The following KHDRBS1 variants were observed in gnomAD, a reference collection of about 807,000 sequenced individuals.
KHDRBS1 encodes the protein KH RNA binding domain containing, signal transduction associated 1, also known as KH domain-containing, RNA-binding, signal transduction-associated protein 1.
KHDRBS1 carries 7 observed loss-of-function variants against 48.4 expected under a neutral mutation model. The ratio of observed to expected loss-of-function variants is 0.14; its 90% confidence interval spans 0.08 to 0.27. The LOEUF is 0.27. Among genes scored for constraint, KHDRBS1 ranks in the 10% least tolerant of loss-of-function variants. KHDRBS1 has a pLI of 1.00. For missense variants in KHDRBS1, 458 were observed against 601.2 expected, an observed-to-expected ratio of 0.76 and a Z score of 2.49; for synonymous variants, 241 against 235.8, an observed-to-expected ratio of 1.02 and a Z score of -0.20.
At chr1:32,040,690 G>A (rs1187512561) in intron 8 of KHDRBS1, among the ~76,000 whole-genome samples, 1 of 152,236 alleles carries the variant, frequency 6.6e-6, no homozygotes, top group Non-Finnish European at 1.5e-5. Flanking sequence ...GATGCAGCGA[G>A]AGCTACCTTT....
chr1:32,035,532 A>T (rs1639162222), intron 4 of KHDRBS1, among the ~76,000 whole-genome samples: 1 of 152,228 alleles, frequency 6.6e-6, no homozygotes, highest in South Asian at 2.1e-4. Flanking sequence ...TGGAGGAAAG[A>T]AAAGTGAGGC....
exon 11 of KHDRBS1, chr1:32,060,419 T>G (rs1639529986): frequency 6.6e-6 from 1 of 152,150 alleles, no homozygotes; most frequent in Admixed American, 6.6e-5. Flanking sequence ...TGAAGGGGAC[T>G]AATGGGTATC....
chr1:32,020,781 G>A (rs1049330366), intron 1 of KHDRBS1, among the ~76,000 whole-genome samples: 55 of 152,164 alleles, frequency 3.6e-4, no homozygotes, highest in Admixed American at 3.6e-3. Flanking sequence ...GACTATATTA[G>A]TGGTTGCCAG....
chr1:32,017,600 C>CA (rs1638767820), intron 1 of KHDRBS1, among the ~76,000 whole-genome samples: 1 of 73,820 alleles, frequency 1.4e-5, no homozygotes, highest in Non-Finnish European at 2.4e-5. Flanking sequence ...TCTTTTTCTA[C>CA]TTTTTTTTTT....
rs754809219 is a variant in KHDRBS1, at chr1:32,033,241, T to A, written c.678T>A (p.Asp226Glu). The change falls in exon 4 of 9, where the codon GAT becomes GAA. Residue 226 changes from aspartate (D) to glutamate (E), a missense_variant. Coordinates refer to ENST00000327300, the MANE Select transcript of KHDRBS1 (RefSeq NM_006559.3). Reference protein sequence around the residue: ...GDPKYAHLNMDLHVFIEVFGP... With the variant: ...GDPKYAHLNMELHVFIEVFGP... ...CCAAATATGCCCACTTGAATATGGATCTGCATGTCTTCATTGAAGTCTTTG... is the reference window on the plus strand; with the variant it reads ...CCAAATATGCCCACTTGAATATGGAACTGCATGTCTTCATTGAAGTCTTTG... The A allele has an allele frequency of 5.0e-6, 8 of 1,614,036 alleles. No individual in the cohort carries two copies. The Admixed American group carries it at 1.3e-4, about 27-fold the overall frequency.
chr1:32,026,917 C>T (rs1043959887), intron 1 of KHDRBS1, among the ~76,000 whole-genome samples: 1 of 152,174 alleles, frequency 6.6e-6, no homozygotes, highest in African/African-American at 2.4e-5. Context: ...CCCTCAGCCT[C>T]CTCGGTAGCT....
rs113782158 is a variant in KHDRBS1 at position 32,022,889 on chromosome 1, C to CA, written c.383-7396dup. On this transcript the variant is annotated intron_variant, in intron 1 of 8. Transcript: ENST00000327300. ...TGGGTGACAGAGCAAGACCCTGTCT[C>CA]AAAAAAAAAAAAAGTTCAGTTAATG... is the stretch of plus-strand genomic sequence containing the variant. Among the ~76,000 whole-genome samples, 741 of 126,596 alleles carry CA rather than the reference C, an allele frequency of 5.9e-3. 3 individuals are homozygous for CA. The highest frequency in any genetic ancestry group is 0.013 in the Middle Eastern group (3 of 228). The allele number at this position is 126,596 out of a possible 152,430, so 83.1% of individuals were successfully genotyped here. A position where few individuals can be genotyped will look rare whatever the true frequency, so the allele number is the denominator to read the frequency against.
rs192474120 is a variant in KHDRBS1, at chr1:32,035,620, G to C, written c.772-1290G>C. On this transcript the variant is annotated intron_variant, in intron 4 of 8. Transcript: ENST00000327300. ...TATACCAGCAATGCTTCACAGTGCC[G>C]TAGGAAGAGCACTGGACTATGTATG... 2.0e-5 allele frequency among the ~76,000 whole-genome samples: 3 copies of C among 152,272 alleles called. No individual in the cohort carries two copies. The East Asian group carries it at 5.8e-4, about 29-fold the overall frequency.
intron 10 of KHDRBS1, among the ~76,000 whole-genome samples, chr1:32,058,710 G>C (rs187491412): frequency 1.3e-5 from 2 of 152,182 alleles, no homozygotes; most frequent in Non-Finnish European, 2.9e-5. Flanking sequence ...GGTGGAGGCA[G>C]GAGGATCGCT....
rs1425349014 is a variant in KHDRBS1, at chr1:32,037,858, G to A, written c.929G>A (p.Arg310Gln). The A allele has an allele frequency of 6.2e-6, 10 of 1,614,020 alleles. No individual in the cohort carries two copies. The highest frequency in any genetic ancestry group is 4.5e-5 in the East Asian group (2 of 44,894). The change falls in exon 6 of 9, where the codon CGG becomes CAG. Residue 310 changes from arginine to glutamine, a missense_variant. By Grantham distance (43) the Arg-to-Gln change is conservative. This residue lies in a region of KHDRBS1 where 171 missense variants were observed against 228.7 expected (regional missense o/e 0.75). Transcript: ENST00000327300. ...VPRGRGVGPPRGALVRGTPVR... is the reference protein window; with the variant it reads ...VPRGRGVGPPQGALVRGTPVR... ...AGGGGCCGTGGTGTTGGACCACCTC[G>A]GGGGGCTTTGGTACGTGGTACACCA... is the stretch of plus-strand genomic sequence containing the variant.
At chr1:32,056,142 A>G (rs1368903577) in intron 10 of KHDRBS1, among the ~76,000 whole-genome samples, 1 of 152,172 alleles carries the variant, frequency 6.6e-6, no homozygotes, top group Non-Finnish European at 1.5e-5. Flanking sequence ...TGTACCTCTC[A>G]TTCCTAGCCG....
In KHDRBS1 at chr1:32,043,283, A is replaced by T. The variant is rs180680107; in HGVS notation, c.*659A>T. The T allele has an allele frequency of 1.7e-4, 22 of 130,440 alleles. No homozygotes were observed. In the East Asian group the frequency reaches 2.4e-3, roughly 14 times the overall value. The allele number at this position is 130,440 out of a possible 1,614,324, so 8.1% of individuals were successfully genotyped here. A position where few individuals can be genotyped will look rare whatever the true frequency, so the allele number is the denominator to read the frequency against. ...TGCAATTTTTAACGTTAATTGATAT[A>T]AAAAAAAAAACAACAAAATTAGGCT... On this transcript the variant is annotated 3_prime_UTR_variant, in exon 9 of 9. Transcript: ENST00000327300.
rs957411552 is a variant in KHDRBS1, at chr1:32,043,233, A to G, written c.*609A>G. Reference sequence around the variant, plus strand: ...TCTTAAGGTTAAATTTTAATATGAAAGATCCTCATGAATTAAATAGTTGAT... The same window carrying G: ...TCTTAAGGTTAAATTTTAATATGAAGGATCCTCATGAATTAAATAGTTGAT... On this transcript the variant is annotated 3_prime_UTR_variant, in exon 9 of 9. Coordinates refer to ENST00000327300, the MANE Select transcript of KHDRBS1 (RefSeq NM_006559.3). 4 of 152,594 alleles carry G rather than the reference A, an allele frequency of 2.6e-5. No homozygotes were observed. Among genetic ancestry groups the G allele is most frequent in the African/African-American group, 9.7e-5 (4 of 41,450 alleles). 9.5% of individuals were successfully genotyped at this position (152,594 alleles called of 1,614,324 possible). A position where few individuals can be genotyped will look rare whatever the true frequency, so the allele number is the denominator to read the frequency against.
intron 1 of KHDRBS1, among the ~76,000 whole-genome samples, chr1:32,027,719 G>A (rs190878082): frequency 6.6e-6 from 1 of 152,266 alleles, no homozygotes; most frequent in Non-Finnish European, 1.5e-5. Context: ...TAACAAACAA[G>A]CATTCAGTCT....
At chr1:32,047,113 T>C (rs1483135730), downstream of KHDRBS1, among the ~76,000 whole-genome samples, 1 of 152,206 alleles carries the variant, frequency 6.6e-6, no homozygotes, top group East Asian at 1.9e-4. Flanking sequence ...GCTTCGCCCA[T>C]TGATCCAAGT....
intron 3 of KHDRBS1, among the ~76,000 whole-genome samples, chr1:32,032,191 C>T (rs941184071): frequency 3.3e-5 from 5 of 152,124 alleles, no homozygotes; most frequent in Non-Finnish European, 5.9e-5. Flanking sequence ...TAGCCGCGTA[C>T]GCTGTGTACT....
At chr1:32,021,964 T>C (rs568160012) in intron 1 of KHDRBS1, among the ~76,000 whole-genome samples, 2 of 150,952 alleles carry the variant, frequency 1.3e-5, no homozygotes, top group African/African-American at 2.4e-5. Context: ...CATTTCTTTT[T>C]TTTTTTTTTT....
chr1:32,023,704 A>G lies in KHDRBS1; in HGVS notation c.383-6594A>G, dbSNP rs568225955. The stretch of plus-strand genomic sequence containing the variant: ...ATTTTTTGTCTTCCCATTTCAGTCT[A>G]CTCTAGCTCTCCGGGGAAAGCAAGG... On this transcript the variant is annotated intron_variant, in intron 1 of 8. Coordinates refer to ENST00000327300, the MANE Select transcript of KHDRBS1 (RefSeq NM_006559.3). Among the ~76,000 whole-genome samples the G allele has an allele frequency of 8.5e-5, 13 of 152,254 alleles. 1 individual carries two copies. In the South Asian group the frequency reaches 2.7e-3, roughly 32 times the overall value.
intron 3 of KHDRBS1, among the ~76,000 whole-genome samples, chr1:32,032,193 C>G (rs765132935): frequency 6.6e-6 from 1 of 152,174 alleles, no homozygotes; most frequent in Non-Finnish European, 1.5e-5. Flanking sequence ...GCCGCGTACG[C>G]TGTGTACTCT....
Sources: allele counts gnomAD v4.1 joint callset (sites outside exome capture counted in the v4.1 genomes callset), GRCh38; gene constraint gnomAD v4.1.1; regional missense constraint gnomAD v4.1.1; transcripts MANE v1.5; gene names NCBI Gene and HGNC (gene_info 2026-07-23, HGNC 2026-07-21).